Variants in PCF11 observed in about 807,000 individuals in gnomAD.
The protein encoded by PCF11 is pre-mRNA cleavage complex 2 protein Pcf11.
A neutral mutation model predicts 166.1 loss-of-function variants in PCF11; 19 were observed. The observed-to-expected ratio is 0.11, with a 90% CI of 0.08 to 0.17. The LOEUF (loss-of-function observed/expected upper bound fraction) is 0.17. PCF11 is among the 10% of genes least tolerant of loss of function. The pLI is 1.00. For missense variants in PCF11, 1,565 were observed against 1,855.5 expected, an observed-to-expected ratio of 0.84 and a Z score of 2.88; for synonymous variants, 663 against 644.1, an observed-to-expected ratio of 1.03 and a Z score of -0.44.
chr11:83,183,119 A>T, intron 15 of PCF11, 46 bp downstream of exon 15: 1 of 1,161,076 alleles, frequency 8.6e-7, no homozygotes, highest in Non-Finnish European at 1.2e-6. Context: ...TGCATTAATA[A>T]ATTTTACTTT....
intron 8 of PCF11, among the ~76,000 whole-genome samples, chr11:83,171,600 C>T (rs564687677): frequency 1.3e-5 from 2 of 152,308 alleles, no homozygotes; most frequent in East Asian, 1.9e-4. Flanking sequence ...AACCCATTCT[C>T]AGTAACTTAT....
intron 4 of PCF11, 109 bp downstream of exon 4, chr11:83,164,510 C>A (rs892306543): frequency 5.5e-6 from 4 of 728,526 alleles, no homozygotes; most frequent in African/African-American, 3.6e-5. Flanking sequence ...ATAGTGTACT[C>A]TTTTTTCACT....
chr11:83,176,943 T>C (rs1860905432), intron 9 of PCF11, 142 bp from the exon 10 acceptor site: 1 of 480,270 alleles, frequency 2.1e-6, no homozygotes, highest in South Asian at 6.7e-5. Flanking sequence ...ATTAAACTTA[T>C]TAATAAATTA....
chr11:83,183,168 A>C, intron 15 of PCF11, 95 bp downstream of exon 15: 1 of 694,634 alleles, frequency 1.4e-6, no homozygotes, highest in Non-Finnish European at 2.4e-6. Flanking sequence ...TTGTTATTTT[A>C]AACTTAATAT....
chr11:83,159,904 C>T (rs958767699), intron 1 of PCF11, among the ~76,000 whole-genome samples: 2 of 152,160 alleles, frequency 1.3e-5, no homozygotes, highest in African/African-American at 4.8e-5. Context: ...AATTAGCCTA[C>T]TTAACAGACT....
In PCF11 at chr11:83,178,829, C is replaced by A. The variant is rs546608044; in HGVS notation, c.3983+1010C>A. Among the ~76,000 whole-genome samples, 343 of 150,634 alleles carry A rather than the reference C, an allele frequency of 2.3e-3. 1 individual carries two copies. The highest frequency in any genetic ancestry group is 3.8e-3 in the Non-Finnish European group (254 of 67,570). On this transcript the variant is annotated intron_variant, in intron 11 of 15. Coordinates refer to ENST00000298281, the Ensembl canonical transcript of PCF11. ...CTGTGTCTCAAAAAAAAAAAAAAAT[C>A]TATTTTTCATTTTATAAGTAATGTT...
At chr11:83,163,907 T>G in intron 3 of PCF11, 40 bp downstream of exon 3, 1 of 920,444 alleles carries the variant, frequency 1.1e-6, no homozygotes, top group Non-Finnish European at 1.6e-6. Flanking sequence ...TACTTTTAAG[T>G]ATCACATTTT....
exon 13 of PCF11, chr11:83,181,893 C>T (rs1317333296): frequency 6.2e-7 from 1 of 1,610,614 alleles, no homozygotes; most frequent in Non-Finnish European, 8.5e-7. Context: ...TCTGGAAGAA[C>T]GGGCAAAGAG....
intron 5 of PCF11, among the ~76,000 whole-genome samples, 186 bp from the exon 6 acceptor site, chr11:83,166,939 C>A (rs1368060843): frequency 1.3e-5 from 2 of 152,248 alleles, no homozygotes; most frequent in East Asian, 3.9e-4. Context: ...CCAGGACATG[C>A]AAGAATCAGA....
At position 83,167,521 on chromosome 11, in the gene PCF11, A is replaced by G. The variant is rs774448245; in HGVS notation, c.2092+16A>G. The G allele has an allele frequency of 3.2e-5, 51 of 1,609,268 alleles. No homozygotes were observed. The highest frequency in any genetic ancestry group is 4.2e-5 in the Non-Finnish European group (50 of 1,177,626). On this transcript the variant is annotated intron_variant, in intron 7 of 15. Transcript: ENST00000298281. The surrounding 1 kb of genome is among the most constrained non-coding windows in gnomAD (Gnocchi z 4.2). ...TATCAAGAAGGTAAACATAGATGCAATGTACGGGATAGTCCTACAGAAGAA... is the reference window on the plus strand; with the variant it reads ...TATCAAGAAGGTAAACATAGATGCAGTGTACGGGATAGTCCTACAGAAGAA...
chr11:83,181,532 A>AG (rs1861087025), intron 12 of PCF11, among the ~76,000 whole-genome samples: 3 of 147,488 alleles, frequency 2.0e-5, no homozygotes, highest in African/African-American at 7.5e-5. Flanking sequence ...TTTTTTTTTT[A>AG]ATTAAGATTA....
chr11:83,170,562 C>CT (rs1235707991), intron 8 of PCF11, among the ~76,000 whole-genome samples: 1 of 152,114 alleles, frequency 6.6e-6, no homozygotes, highest in Admixed American at 6.6e-5. Flanking sequence ...TCCAAATACA[C>CT]TCTGGTTACG....
chr11:83,160,960 A>G (rs570706896), intron 1 of PCF11, among the ~76,000 whole-genome samples: 1 of 152,316 alleles, frequency 6.6e-6, no homozygotes, highest in East Asian at 1.9e-4. Flanking sequence ...CACCGTTGTA[A>G]GTTAATATGG....
chr11:83,184,657 C>T (rs1565164910), intron 15 of PCF11, 22 bp from the exon 16 acceptor site: 1 of 1,544,178 alleles, frequency 6.5e-7, no homozygotes, highest in East Asian at 2.3e-5. Flanking sequence ...CATCAGTACT[C>T]ATAGGGCCTT....
chr11:83,172,722 A>T (rs1356203458), intron 9 of PCF11, among the ~76,000 whole-genome samples: 1 of 152,138 alleles, frequency 6.6e-6, no homozygotes, highest in Non-Finnish European at 1.5e-5. Flanking sequence ...GGCAAAATGA[A>T]TTTTAGTTTT....
At chr11:83,185,529 C>CA (rs748406718) in exon 16 of PCF11, 2 of 152,424 alleles carry the variant, frequency 1.3e-5, no homozygotes, top group Non-Finnish European at 2.9e-5. Context: ...TCTAATGATG[C>CA]AAAGTTTTAT....
intron 7 of PCF11, 57 bp from the exon 8 acceptor site, chr11:83,168,371 G>T: frequency 7.0e-7 from 1 of 1,431,148 alleles, no homozygotes. Context: ...ACATTCATAC[G>T]AAAATAGAAG....
chr11:83,178,791 C>T (rs1206780458), intron 11 of PCF11, among the ~76,000 whole-genome samples: 1 of 146,314 alleles, frequency 6.8e-6, no homozygotes, highest in African/African-American at 2.6e-5. Context: ...CCAGCCTGGG[C>T]GAAAGAGCGA....
In PCF11 at chr11:83,167,513, T is replaced by C. The variant is rs1213127221; in HGVS notation, c.2092+8T>C. 1.9e-6 allele frequency: 3 copies of C among 1,610,786 alleles called. No individual in the cohort carries two copies. The highest frequency in any genetic ancestry group is 2.5e-6 in the Non-Finnish European group (3 of 1,178,476). On this transcript the variant is annotated splice_region_variant and intron_variant, in intron 7 of 15. Transcript: ENST00000298281. The surrounding 1 kb of genome is among the most constrained non-coding windows in gnomAD (Gnocchi z 4.2). ...TATTTCAGTATCAAGAAGGTAAACA[T>C]AGATGCAATGTACGGGATAGTCCTA...
Sources: allele counts gnomAD v4.1 joint callset (sites outside exome capture counted in the v4.1 genomes callset), GRCh38; gene constraint gnomAD v4.1.1; non-coding constraint Gnocchi (gnomAD v3.1); transcripts MANE v1.5; gene names NCBI Gene and HGNC (gene_info 2026-07-23, HGNC 2026-07-21).